Variants in TRIP12 observed in about 807,000 individuals in gnomAD.
TRIP12 encodes E3 ubiquitin-protein ligase TRIP12.
A neutral mutation model predicts 244.2 loss-of-function variants in TRIP12; 25 were observed. The ratio of observed to expected loss-of-function variants is 0.10; its 90% CI spans 0.07 to 0.14. TRIP12 has a LOEUF of 0.14. Among genes scored for constraint, TRIP12 ranks in the 10% least tolerant of loss-of-function variants. The pLI is 1.00. For synonymous variants in TRIP12, 905 were observed against 873.1 expected, an observed-to-expected ratio of 1.04 and a Z score of -0.64; for missense variants, 1,677 against 2,486.4, an observed-to-expected ratio of 0.67 and a Z score of 6.92.
At chr2:229,864,053 T>A (rs200056407) in intron 2 of TRIP12, among the ~76,000 whole-genome samples, 1,482 of 111,404 alleles carry the variant, frequency 0.013, 8 homozygotes, top group African/African-American at 0.026. Context: ...AGAGAGTGTG[T>A]GTGTGTGTGT....
chr2:229,857,292 A>G (rs755763273), intron 4 of TRIP12, among the ~76,000 whole-genome samples: 29 of 152,182 alleles, frequency 1.9e-4, no homozygotes, highest in Non-Finnish European at 4.1e-4. Flanking sequence ...TTGTAGAGAT[A>G]AGTGCTTTAT....
intron 3 of TRIP12, 57 bp from the exon 4 acceptor site, chr2:229,859,631 T>A: frequency 6.6e-7 from 1 of 1,511,210 alleles, no homozygotes; most frequent in East Asian, 2.3e-5. Flanking sequence ...ACAACTGTCA[T>A]ATATAATGCT....
At chr2:229,876,507 T>C (rs933108964) in intron 2 of TRIP12, among the ~76,000 whole-genome samples, 2 of 152,218 alleles carry the variant, frequency 1.3e-5, no homozygotes, top group African/African-American at 2.4e-5. Context: ...CTGAGCATAT[T>C]ATTGACTGGC....
At chr2:229,824,659 C>T (rs769281329) in intron 8 of TRIP12, among the ~76,000 whole-genome samples, 10 of 152,080 alleles carry the variant, frequency 6.6e-5, no homozygotes, top group Non-Finnish European at 1.3e-4. Flanking sequence ...AGAGTGAACA[C>T]GAAGAGTGAA....
At chr2:229,856,969 A>G (rs916133061) in intron 4 of TRIP12, among the ~76,000 whole-genome samples, 1 of 152,234 alleles carries the variant, frequency 6.6e-6, no homozygotes, top group African/African-American at 2.4e-5. Context: ...CAGGTTAAAC[A>G]TAAAATTTTT....
Position 229,880,066 on chromosome 2 carries a change from G to C in TRIP12, c.14C>G (p.Pro5Arg). The change falls in exon 2 of 42, where the codon CCT (proline) becomes CGT (arginine). Residue 5 changes from proline to arginine, a missense_variant. Physicochemically the swap from Pro to Arg is moderately radical, Grantham distance 103. Around this residue, in one of 11 missense-constraint regions of TRIP12, gnomAD observed 387 missense variants for 392.6 expected, o/e 0.99. Coordinates refer to ENST00000675903, the MANE Select transcript of TRIP12 (RefSeq NM_001348323.3). ...CAGTGACCCCCCTGGATTGTTATTA[G>C]GCCGGTTGGACATTGGCACCTCTCT... is the stretch of plus-strand genomic sequence containing the variant. MSNRPNNNPGGSLRR... is the reference protein window; with the variant it reads MSNRRNNNPGGSLRR... 1.9e-6 allele frequency: 3 copies of C among 1,614,048 alleles called. No homozygotes were observed. The highest frequency in any genetic ancestry group is 1.1e-5 in the South Asian group (1 of 91,070).
intron 6 of TRIP12, among the ~76,000 whole-genome samples, chr2:229,833,642 G>A (rs1033617659): frequency 6.6e-6 from 1 of 152,150 alleles, no homozygotes; most frequent in African/African-American, 2.4e-5. Context: ...AACTAATTGT[G>A]AAGAAAAGGA....
intron 37 of TRIP12, among the ~76,000 whole-genome samples, chr2:229,774,497 C>T (rs1009935351): frequency 3.3e-5 from 5 of 152,144 alleles, no homozygotes; most frequent in Non-Finnish European, 7.4e-5. Flanking sequence ...TGAGATGCTG[C>T]TGCTCAGTTT....
chr2:229,838,667 C>CT (rs1337745335), intron 5 of TRIP12, among the ~76,000 whole-genome samples: 1 of 152,122 alleles, frequency 6.6e-6, no homozygotes, highest in Non-Finnish European at 1.5e-5. Context: ...GCATCTCAGA[C>CT]TAAACCTTGA....
At chr2:229,837,099 T>C in intron 5 of TRIP12, 115 bp from the exon 6 acceptor site, 2 of 1,163,296 alleles carry the variant, frequency 1.7e-6, no homozygotes, top group Non-Finnish European at 2.2e-6. Context: ...TCGTCCTCTT[T>C]TTAAATAAAA....
At chr2:229,867,990 G>A (rs1443086043) in intron 2 of TRIP12, among the ~76,000 whole-genome samples, 4 of 152,098 alleles carry the variant, frequency 2.6e-5, no homozygotes, top group Non-Finnish European at 5.9e-5. Context: ...CTTAGACCAA[G>A]GCAACCATGC....
chr2:229,871,404 A>G (rs2062578515), intron 2 of TRIP12, among the ~76,000 whole-genome samples: 1 of 152,188 alleles, frequency 6.6e-6, no homozygotes, highest in South Asian at 2.1e-4. Context: ...TGTTTGAATC[A>G]CTGGGGTGGA....
chr2:229,891,485 T>G (rs2067350185), intron 1 of TRIP12, among the ~76,000 whole-genome samples: 1 of 150,444 alleles, frequency 6.6e-6, no homozygotes, highest in Admixed American at 6.6e-5. Context: ...GCCCAGCTAC[T>G]CCGGAGGCTA....
intron 1 of TRIP12, among the ~76,000 whole-genome samples, chr2:229,913,981 A>G (rs955520074): frequency 6.6e-6 from 1 of 152,124 alleles, no homozygotes; most frequent in African/African-American, 2.4e-5. Flanking sequence ...TTTCTAAGAG[A>G]TACAGGCCAG....
At position 229,907,790 on chromosome 2, in the gene TRIP12, G is replaced by GAA. The variant is rs368347388; in HGVS notation, c.-50+14089_-50+14090insTT. Reference sequence around the variant, plus strand: ...TGCACTCCAGTCTAAACAACAGAGAGACCTTATCTCTAGAAAAAAATAACA... The same window carrying GAA: ...TGCACTCCAGTCTAAACAACAGAGAGAAACCTTATCTCTAGAAAAAAATAACA... On this transcript the variant is annotated intron_variant, in intron 1 of 41. Coordinates refer to ENST00000675903, the MANE Select transcript of TRIP12 (RefSeq NM_001348323.3). Among the ~76,000 whole-genome samples the GAA allele has an allele frequency of 1.8e-3, 280 of 151,356 alleles. 3 individuals carry two copies. The highest frequency in any genetic ancestry group is 7.1e-4 in the Non-Finnish European group (48 of 67,806).
At chr2:229,922,374 G>A (rs1263897777), upstream of TRIP12, 6 of 780,058 alleles carry the variant, frequency 7.7e-6, no homozygotes, top group Non-Finnish European at 1.3e-5. Context: ...ACCCTTGGAA[G>A]AGGGGACGAT....
At chr2:229,898,489 A>G (rs1451280471) in intron 1 of TRIP12, among the ~76,000 whole-genome samples, 1 of 152,224 alleles carries the variant, frequency 6.6e-6, no homozygotes, top group Non-Finnish European at 1.5e-5. Context: ...TCTATGCTCA[A>G]GCGTCTAAGG....
At chr2:229,912,194 G>GA (rs911006878) in intron 1 of TRIP12, among the ~76,000 whole-genome samples, 2 of 151,966 alleles carry the variant, frequency 1.3e-5, no homozygotes, top group Admixed American at 6.6e-5. Context: ...TAAACAACAG[G>GA]AAAAAACAAG....
At chr2:229,807,972 A>G (rs1575306227) in intron 16 of TRIP12, 108 bp from the exon 17 acceptor site, 17 of 1,031,448 alleles carry the variant, frequency 1.6e-5, no homozygotes, top group Non-Finnish European at 7.9e-6. Flanking sequence ...ATTTAGACCA[A>G]TTTTTTTTTT....
Sources: allele counts gnomAD v4.1 joint callset (sites outside exome capture counted in the v4.1 genomes callset), GRCh38; gene constraint gnomAD v4.1.1; regional missense constraint gnomAD v4.1.1; transcripts MANE v1.5; gene names NCBI Gene and HGNC (gene_info 2026-07-23, HGNC 2026-07-21).